Variants in BBS9 observed in about 807,000 individuals in gnomAD.
The protein encoded by BBS9 is protein PTHB1.
A neutral mutation model predicts 117.7 loss-of-function variants in BBS9; 89 were observed. That is an observed-to-expected ratio of 0.76 (90% CI 0.64 to 0.90). The LOEUF is 0.90. Ranked by LOEUF, BBS9 falls within the 40% of genes least tolerant of loss-of-function variation. BBS9 has a pLI of 0.00. For synonymous variants in BBS9, 379 were observed against 370.9 expected (o/e 1.02, Z -0.25); for missense variants, 982 against 1,042.2 (o/e 0.94, Z 0.80).
chr7:33,460,894 C>T (rs894299357), intron 19 of BBS9, among the ~76,000 whole-genome samples: 2 of 152,034 alleles, frequency 1.3e-5, no homozygotes, highest in Non-Finnish European at 2.9e-5. Context: ...CTTTCATTAA[C>T]CCATTTCCCT....
chr7:33,162,576 T>C (rs990106732), intron 4 of BBS9, among the ~76,000 whole-genome samples: 1 of 152,128 alleles, frequency 6.6e-6, no homozygotes, highest in African/African-American at 2.4e-5. Context: ...CTTAGGTATT[T>C]TATTCTCTTT....
At chr7:33,495,824 T>G (rs1229624406) in intron 19 of BBS9, among the ~76,000 whole-genome samples, 2 of 152,204 alleles carry the variant, frequency 1.3e-5, no homozygotes, top group African/African-American at 4.8e-5. Flanking sequence ...CATGTCTATA[T>G]GGTGAATAAA....
chr7:33,340,968 G>A lies in BBS9; in HGVS notation c.1270G>A (p.Val424Ile). The part of the protein sequence containing the change: ...SVVVSPNFDS[V>I]SQATDVEVGT... The stretch of plus-strand genomic sequence containing the variant: ...CGTGGTTTCTCCTAACTTTGATTCA[G>A]TTTCTGTAGGTGTACTTGCAGATTT... Residue 424 changes from valine to isoleucine, a missense_variant, in exon 11 of 23, where the codon GTT (valine) becomes ATT (isoleucine). Val to Ile is a conservative substitution (Grantham distance 29, BLOSUM62 3). Transcript: ENST00000242067. 1 of 1,613,120 alleles carries A rather than the reference G, an allele frequency of 6.2e-7. No individual in the cohort carries two copies. The highest frequency in any genetic ancestry group is 1.3e-5 in the African/African-American group (1 of 75,004).
chr7:33,599,603 A>G (rs1863476616), intron 21 of BBS9, among the ~76,000 whole-genome samples: 1 of 152,202 alleles, frequency 6.6e-6, no homozygotes. Flanking sequence ...AAGTGCCTCA[A>G]AGACATTCTT....
intron 21 of BBS9, among the ~76,000 whole-genome samples, chr7:33,618,719 T>A (rs1865264889): frequency 6.6e-6 from 1 of 152,094 alleles, no homozygotes; most frequent in Non-Finnish European, 1.5e-5. Context: ...ATGACATTAA[T>A]AACATAATGT....
chr7:33,537,304 G>C (rs1360839681), intron 21 of BBS9, among the ~76,000 whole-genome samples: 1 of 152,158 alleles, frequency 6.6e-6, no homozygotes, highest in Non-Finnish European at 1.5e-5. Context: ...CGAAGGCCAT[G>C]GTGACAACAT....
chr7:33,596,308 G>A (rs1343836555), intron 21 of BBS9, among the ~76,000 whole-genome samples: 2 of 141,414 alleles, frequency 1.4e-5, no homozygotes, highest in Non-Finnish European at 1.5e-5. Context: ...ACTTATATAT[G>A]TGTGTGTGAC....
At chr7:33,343,274 A>G (rs1816887103) in intron 11 of BBS9, among the ~76,000 whole-genome samples, 3 of 152,286 alleles carry the variant, frequency 2.0e-5, no homozygotes, top group Non-Finnish European at 4.4e-5. Flanking sequence ...GTCACCCCTT[A>G]GTCTTATTCT....
At chr7:33,452,391 A>G (rs1838016044) in intron 19 of BBS9, among the ~76,000 whole-genome samples, 1 of 152,144 alleles carries the variant, frequency 6.6e-6, no homozygotes, top group East Asian at 1.9e-4. Context: ...TCCCTCACCA[A>G]GAACTACAGC....
At chr7:33,444,925 G>C (rs1425470521) in intron 19 of BBS9, among the ~76,000 whole-genome samples, 3 of 152,212 alleles carry the variant, frequency 2.0e-5, no homozygotes, top group African/African-American at 7.2e-5. Context: ...AGGGCAAGTA[G>C]TGGCTGGTTT....
At chr7:33,138,181 T>C (rs1256625205) in intron 1 of BBS9, among the ~76,000 whole-genome samples, 1 of 151,794 alleles carries the variant, frequency 6.6e-6, no homozygotes, top group Non-Finnish European at 1.5e-5. Context: ...GTCCTGCAAT[T>C]AGCTGTGTGA....
At chr7:33,142,100 C>T (rs931008591) in intron 1 of BBS9, among the ~76,000 whole-genome samples, 1 of 151,920 alleles carries the variant, frequency 6.6e-6, no homozygotes, top group Non-Finnish European at 1.5e-5. Context: ...TTTTTGTATT[C>T]TTAGTAGAGA....
intron 19 of BBS9, among the ~76,000 whole-genome samples, chr7:33,486,914 T>C (rs952730706): frequency 2.6e-5 from 4 of 152,240 alleles, no homozygotes; most frequent in Non-Finnish European, 5.9e-5. Context: ...TCCTAGCCAA[T>C]AATGTCTTTC....
At chr7:33,506,466 A>G (rs1171066243) in intron 20 of BBS9, among the ~76,000 whole-genome samples, 1 of 152,170 alleles carries the variant, frequency 6.6e-6, no homozygotes, top group Non-Finnish European at 1.5e-5. Flanking sequence ...TTGAGTGGTT[A>G]TTAGGTACCA....
At chr7:33,627,085 G>T (rs1436823326) in intron 21 of BBS9, among the ~76,000 whole-genome samples, 1 of 152,232 alleles carries the variant, frequency 6.6e-6, no homozygotes, top group Admixed American at 6.5e-5. Context: ...GGCCCGGAGG[G>T]TTAGGAGGGA....
intron 21 of BBS9, among the ~76,000 whole-genome samples, chr7:33,592,895 TATTTC>T (rs1171994356): frequency 1.3e-5 from 2 of 152,140 alleles, no homozygotes; most frequent in South Asian, 2.1e-4. Context: ...ATGCTCTTAC[TATTTC>T]ATTTCATTTC....
intron 5 of BBS9, among the ~76,000 whole-genome samples, chr7:33,203,807 C>T (rs2128215236): frequency 6.6e-6 from 1 of 151,856 alleles, no homozygotes; most frequent in Non-Finnish European, 1.5e-5. Context: ...ACTGCAACCT[C>T]CGCCTCCCGG....
intron 19 of BBS9, among the ~76,000 whole-genome samples, chr7:33,436,471 A>G (rs907774932): frequency 1.3e-5 from 2 of 152,222 alleles, no homozygotes; most frequent in African/African-American, 2.4e-5. Flanking sequence ...TTTCCTAAGG[A>G]TTATATAATT....
intron 5 of BBS9, among the ~76,000 whole-genome samples, chr7:33,194,657 G>A (rs750907670): frequency 2.0e-5 from 3 of 152,186 alleles, no homozygotes; most frequent in Non-Finnish European, 2.9e-5. Flanking sequence ...TGTATTTGAT[G>A]TGAATATCTT....
Sources: gnomAD v4.1 joint callset for allele counts (sites outside exome capture counted in the v4.1 genomes callset) on GRCh38, gnomAD v4.1.1 for gene constraint, MANE v1.5 for transcripts, NCBI Gene and HGNC (gene_info 2026-07-23, HGNC 2026-07-21) for gene names.